MBTPS2: variants seen among roughly 807,000 people sequenced by gnomAD.
MBTPS2 encodes the protein membrane-bound transcription factor site-2 protease.
MBTPS2 carries 2 observed loss-of-function variants against 35.4 expected under a neutral mutation model. The ratio of observed to expected loss-of-function variants is 0.06; its 90% CI spans 0.02 to 0.18. The LOEUF (loss-of-function observed/expected upper bound fraction) is 0.18. Ranked by LOEUF, MBTPS2 falls within the 10% of genes least tolerant of loss-of-function variation. The pLI, the probability that MBTPS2 is intolerant of heterozygous loss-of-function variation, is 1.00. For missense variants in MBTPS2, 244 were observed against 386.5 expected (o/e 0.63, Z 3.09); for synonymous variants, 125 against 140.4 (o/e 0.89, Z 0.77).
intron 3 of MBTPS2, among the ~76,000 whole-genome samples, chrX:21,846,796 G>A (rs1381985616): frequency 3.6e-5 from 4 of 112,126 alleles, no homozygotes; most frequent in Non-Finnish European, 7.5e-5. Context: ...ACAGGATAGT[G>A]CAGGATATAA....
At chrX:21,840,813 A>C (rs1205593814) in intron 1 of MBTPS2, among the ~76,000 whole-genome samples, 1 of 112,307 alleles carries the variant, frequency 8.9e-6, no homozygotes, top group Non-Finnish European at 1.9e-5. Context: ...AGGAGGTTAC[A>C]TAGCGTAGTC....
intron 7 of MBTPS2, 46 bp from the exon 8 acceptor site, chrX:21,877,996 G>A (rs746352473): frequency 1.0e-5 from 9 of 860,974 alleles, no homozygotes; most frequent in African/African-American, 6.0e-5. Context: ...TGTTACAAAT[G>A]TATTTTTATA....
At chrX:21,839,898 C>T in intron 1 of MBTPS2, 89 bp downstream of exon 1, 1 of 905,131 alleles carries the variant, frequency 1.1e-6, no homozygotes, top group Non-Finnish European at 1.6e-6. Context: ...TGGCGCCTCC[C>T]GGGCTGGACG....
At chrX:21,855,586 C>T (rs2092919805) in intron 5 of MBTPS2, among the ~76,000 whole-genome samples, 1 of 110,236 alleles carries the variant, frequency 9.1e-6, no homozygotes, top group African/African-American at 3.3e-5. Flanking sequence ...CACGAGCCAC[C>T]ACGCCCAGCT....
At position 21,869,669 on chromosome X, in the gene MBTPS2, C is replaced by G; in HGVS notation, c.961C>G (p.Pro321Ala). 8.3e-7 allele frequency: 1 copy of G among 1,202,676 alleles called. No homozygotes were observed. The highest frequency in any genetic ancestry group is 1.1e-6 in the Non-Finnish European group (1 of 887,288). ...SASTLQQLSF[P>A]VRAYKRLDGS... ...ATCAACTTTACAGCAGTTAAGTTTC[C>G]CAGTTAGAGGTGTGTATATTTCCTC... The change falls in exon 7 of 11, where the codon CCA becomes GCA. Residue 321 changes from proline to alanine, a missense_variant. Coordinates refer to ENST00000379484, the MANE Select transcript of MBTPS2 (RefSeq NM_015884.4).
Position 21,882,521 on chromosome X carries a change from T to A in MBTPS2, c.1426T>A (p.Leu476Met). ...LDGQWILNSF[L>M]DATLTSVIGD... Reference sequence around the variant, plus strand: ...TGGACAATGGATTCTAAACTCTTTCTTGGATGCCACCCTTACCTCAGTGAT... The same window carrying A: ...TGGACAATGGATTCTAAACTCTTTCATGGATGCCACCCTTACCTCAGTGAT... The change falls in exon 11 of 11, where the codon TTG becomes ATG. Residue 476 changes from leucine to methionine, a missense_variant. Physicochemically the swap from Leu to Met is conservative, Grantham distance 15. Transcript: ENST00000379484. 2 of 1,211,242 alleles carry A rather than the reference T, an allele frequency of 1.7e-6. No individual in the cohort carries two copies. The highest frequency in any genetic ancestry group is 2.2e-6 in the Non-Finnish European group (2 of 894,949).
chrX:21,884,154 A>G lies in MBTPS2; in HGVS notation c.*1499A>G, dbSNP rs939616538. ...ACAAATTTGCCTTAACAGTAATTAG[A>G]TGTTGAATATAATTTTAACATTTTA... On this transcript the variant is annotated 3_prime_UTR_variant, in exon 11 of 11. Transcript: ENST00000379484. 9.8e-6 allele frequency: 7 copies of G among 712,570 alleles called. No homozygotes were observed. The Admixed American group carries it at 2.7e-4, about 27-fold the overall frequency. 58.7% of individuals were successfully genotyped at this position (712,570 alleles called of 1,213,427 possible). A position where few individuals can be genotyped will look rare whatever the true frequency, so the allele number is the denominator to read the frequency against.
intron 5 of MBTPS2, chrX:21,857,243 A>T: frequency 1.7e-6 from 2 of 1,211,911 alleles, no homozygotes; most frequent in Non-Finnish European, 2.2e-6. Context: ...CTCCCAAAAC[A>T]GTCCCTTGCT....
chrX:21,859,853 A>G (rs747743376), intron 5 of MBTPS2, among the ~76,000 whole-genome samples: 43 of 111,180 alleles, frequency 3.9e-4, no homozygotes, highest in South Asian at 2.3e-3. Flanking sequence ...AACACTTTGG[A>G]AGGCCAAGGT....
At position 21,853,507 on chromosome X, in the gene MBTPS2, A is replaced by T; in HGVS notation, c.670+4A>T. On this transcript the variant is annotated splice_donor_region_variant and intron_variant, in intron 5 of 10. Transcript: ENST00000379484. ...CAGCTAAGGATATTTTGTGCAGGTA[A>T]CAGACTTAATTTTGTTTTAATATTC... 2 of 1,208,973 alleles carry T rather than the reference A, an allele frequency of 1.7e-6. No individual in the cohort carries two copies. The highest frequency in any genetic ancestry group is 2.2e-6 in the Non-Finnish European group (2 of 893,574).
rs201883046 is a variant in MBTPS2, at chrX:21,843,260, G to A, written c.166G>A (p.Val56Ile). Reference sequence around the variant, plus strand: ...TTTCCACATAAGATGGCAAACTGCTGTTTTCAATCGTGCCTTTTACAGTTG... The same window carrying A: ...TTTCCACATAAGATGGCAAACTGCTATTTTCAATCGTGCCTTTTACAGTTG... ...SPFHIRWQTAVFNRAFYSWGR... is the reference protein window; with the variant it reads ...SPFHIRWQTAIFNRAFYSWGR... The change falls in exon 2 of 11, where the codon GTT (valine) becomes ATT (isoleucine). Residue 56 changes from valine (V) to isoleucine (I), a missense_variant. Transcript: ENST00000379484. The A allele has an allele frequency of 8.3e-7, 1 of 1,209,648 alleles. No homozygotes were observed. The highest frequency in any genetic ancestry group is 1.1e-6 in the Non-Finnish European group (1 of 894,697).
At chrX:21,870,310 A>T (rs1412829465) in intron 7 of MBTPS2, 1 of 110,950 alleles carries the variant, frequency 9.0e-6, no homozygotes, top group African/African-American at 3.3e-5. Context: ...TATTATCTTT[A>T]TGCATGTCTG....
At chrX:21,880,360 GTAACTATGAAATA>G (rs2092958057) in intron 9 of MBTPS2, among the ~76,000 whole-genome samples, 2 of 111,505 alleles carry the variant, frequency 1.8e-5, no homozygotes, top group African/African-American at 6.5e-5. Context: ...ACTGTAGACT[GTAACTATGAAATA>G]AAACCTCAAC....
chrX:21,849,580 C>T (rs1456078050), intron 3 of MBTPS2, among the ~76,000 whole-genome samples: 1 of 111,244 alleles, frequency 9.0e-6, no homozygotes, highest in Non-Finnish European at 1.9e-5. Flanking sequence ...CTCTGTGAGG[C>T]ATAACATTAA....
At chrX:21,841,833 A>G (rs929037303) in intron 1 of MBTPS2, 3 of 111,883 alleles carry the variant, frequency 2.7e-5, no homozygotes, top group Admixed American at 1.9e-4. Flanking sequence ...AAATGGAGAG[A>G]CCTCAACTTT....
intron 5 of MBTPS2, among the ~76,000 whole-genome samples, chrX:21,864,297 G>C (rs1479080192): frequency 8.9e-6 from 1 of 111,874 alleles, no homozygotes; most frequent in African/African-American, 3.2e-5. Flanking sequence ...GCAATGGCAC[G>C]ATCTTGGCTC....
chrX:21,859,040 G>A (rs2092927776), intron 5 of MBTPS2, among the ~76,000 whole-genome samples: 2 of 110,518 alleles, frequency 1.8e-5, no homozygotes, highest in Non-Finnish European at 3.8e-5. Context: ...ACCATCCCCC[G>A]GCTACTTAAA....
intron 3 of MBTPS2, among the ~76,000 whole-genome samples, chrX:21,847,546 G>A (rs780592339): frequency 8.9e-6 from 1 of 112,008 alleles, no homozygotes; most frequent in African/African-American, 3.2e-5. Flanking sequence ...GGGCAATCGT[G>A]TACTGTTGCC....
In MBTPS2 at chrX:21,880,937, C is replaced by T. The variant is rs2092958657; in HGVS notation, c.1302C>T (p.Ser434=). The T allele has an allele frequency of 8.3e-7, 1 of 1,203,266 alleles. No individual in the cohort carries two copies. Among genetic ancestry groups the T allele is most frequent in the Admixed American group, 2.2e-5 (1 of 45,746 alleles). Residue 434 remains serine (S), a synonymous_variant, in exon 10 of 11, where the codon AGC becomes AGT. Coordinates refer to ENST00000379484, the MANE Select transcript of MBTPS2 (RefSeq NM_015884.4). ...TTATCCCACGTTTTAACTTTCTAAG[C>T]ATAGATCTGCCAGTGGTTGTGGAGA... ...TSFIPRFNFL[S]IDLPVVVETF... is the part of the protein sequence containing the mutation.
Sources: gnomAD v4.1 joint callset for allele counts (sites outside exome capture counted in the v4.1 genomes callset) on GRCh38, gnomAD v4.1.1 for gene constraint, MANE v1.5 for transcripts, NCBI Gene and HGNC (gene_info 2026-07-23, HGNC 2026-07-21) for gene names.